SLC1A7: variants seen among roughly 807,000 people sequenced by gnomAD.
The protein encoded by SLC1A7 is excitatory amino acid transporter 5.
Under a neutral mutation model 47.7 loss-of-function variants are expected in SLC1A7, and 40 were observed. The ratio of observed to expected loss-of-function variants is 0.84; its 90% CI spans 0.65 to 1.09. The LOEUF (loss-of-function observed/expected upper bound fraction) is 1.09, where lower values mean the gene tolerates loss of function less well. SLC1A7 is among the 50% of genes least tolerant of loss of function. The pLI is 0.00. For synonymous variants in SLC1A7, 323 were observed against 325.6 expected, an observed-to-expected ratio of 0.99 and a Z score of 0.09; for missense variants, 746 against 769.5, an observed-to-expected ratio of 0.97 and a Z score of 0.36.
chr1:53,116,458 G>A (rs1644762403), intron 2 of SLC1A7, among the ~76,000 whole-genome samples: 1 of 152,226 alleles, frequency 6.6e-6, no homozygotes, highest in Non-Finnish European at 1.5e-5. Flanking sequence ...AGGAGTGAGT[G>A]AATGAATGAA....
chr1:53,088,236 GGGAAACA>G lies in SLC1A7; in HGVS notation c.1465-16_1465-10del, dbSNP rs1178870380. On this transcript the variant is annotated splice_polypyrimidine_tract_variant and intron_variant, in intron 10 of 10. Coordinates refer to ENST00000371494, the MANE Select transcript of SLC1A7 (RefSeq NM_006671.6). ...TCGCAGGGCAGCAGTTTCTGGTGAA[GGGAAACA>G]GGTCTTTGTAGCAGCAGGAGGGACC... The G allele has an allele frequency of 6.3e-7, 1 of 1,594,754 alleles. No individual in the cohort carries two copies. Among genetic ancestry groups the G allele is most frequent in the Admixed American group, 1.7e-5 (1 of 57,780 alleles).
At chr1:53,098,229 GC>G (rs1471874185) in intron 5 of SLC1A7, among the ~76,000 whole-genome samples, 2 of 136,404 alleles carry the variant, frequency 1.5e-5, no homozygotes, top group Admixed American at 7.2e-5. Flanking sequence ...ACACTCACAT[GC>G]CCCGCCTCAG....
At chr1:53,103,253 C>T (rs1644603308) in intron 5 of SLC1A7, 93 bp downstream of exon 5, 3 of 917,488 alleles carry the variant, frequency 3.3e-6, no homozygotes, top group South Asian at 1.7e-5. Context: ...CCAGCATTCT[C>T]CCCAGACCTC....
intron 3 of SLC1A7, among the ~76,000 whole-genome samples, chr1:53,110,300 A>G (rs1644688301): frequency 6.6e-6 from 1 of 152,174 alleles, no homozygotes; most frequent in South Asian, 2.1e-4. Context: ...ATGAGGCCAC[A>G]GGTCTCCTAG....
chr1:53,115,039 A>C (rs905862312), intron 2 of SLC1A7, 66 bp from the exon 3 acceptor site: 1 of 1,269,494 alleles, frequency 7.9e-7, no homozygotes, highest in Non-Finnish European at 1.1e-6. Context: ...CTCAGCGCTC[A>C]CTCAGCCCCT....
Position 53,134,355 on chromosome 1 carries a change from G to C in SLC1A7, c.210C>G (p.Val70=), listed in dbSNP as rs1644970271. The C allele has an allele frequency of 6.2e-7, 1 of 1,612,562 alleles. No individual in the cohort carries two copies. The highest frequency in any genetic ancestry group is 1.3e-5 in the African/African-American group (1 of 75,028). Residue 70 remains valine (V), a synonymous_variant, in exon 2 of 11, where the codon GTC becomes GTG. Coordinates refer to ENST00000371494, the MANE Select transcript of SLC1A7 (RefSeq NM_006671.6). ...MLKMMILPLV[V]SSLMSGLASL... ...GGTCAAACCCCCGCTCTCACCTGGA[G>C]ACCACCAGTGGCAGGATCATCATCT...
chr1:53,113,910 C>G (rs556492312), intron 3 of SLC1A7, among the ~76,000 whole-genome samples: 2 of 152,046 alleles, frequency 1.3e-5, no homozygotes, highest in South Asian at 4.1e-4. Flanking sequence ...GCACAGCTAT[C>G]GCCCCCAGGC....
chr1:53,097,931 ACCTCGGTACACTCACACACCATG>A (rs71044452), intron 5 of SLC1A7, among the ~76,000 whole-genome samples: 78,381 of 140,040 alleles, frequency 0.56, 24,799 homozygotes, highest in Non-Finnish European at 0.72. Flanking sequence ...TACTCACCCC[ACCTCGGTACACTCACACACCATG>A]CCTCGGTACA....
At chr1:53,136,341 G>A (rs895768512) in intron 1 of SLC1A7, among the ~76,000 whole-genome samples, 6 of 147,478 alleles carry the variant, frequency 4.1e-5, no homozygotes, top group Admixed American at 1.4e-4. Context: ...CTACAGGTGC[G>A]CGCCACTATG....
rs1301207462 is a variant in SLC1A7 at position 53,115,215 on chromosome 1, G to C, written c.216-242C>G. 17 of 574,676 alleles carry C rather than the reference G, an allele frequency of 3.0e-5. No individual in the cohort carries two copies. The East Asian group carries it at 4.9e-4, about 17-fold the overall frequency. The allele number at this position is 574,676 out of a possible 1,614,324, so 35.6% of individuals were successfully genotyped here. Reference sequence around the variant, plus strand: ...TGAGACCTCTGCACTGCTAGGCAGAGAGCCCAGGCCAGGGTGGCTGTGGGA... The same window carrying C: ...TGAGACCTCTGCACTGCTAGGCAGACAGCCCAGGCCAGGGTGGCTGTGGGA... On this transcript the variant is annotated intron_variant, in intron 2 of 10. Transcript: ENST00000371494.
chr1:53,121,792 G>A (rs957395151), intron 2 of SLC1A7, among the ~76,000 whole-genome samples: 1 of 152,230 alleles, frequency 6.6e-6, no homozygotes, highest in Non-Finnish European at 1.5e-5. Flanking sequence ...AGGGGACTTT[G>A]GGCTTTGTTT....
In SLC1A7 at chr1:53,101,257, ACACACCCCACCTCGGTACACTCG is replaced by A. The variant is rs1274916275; in HGVS notation, c.697+2066_697+2088del. On this transcript the variant is annotated intron_variant, in intron 5 of 10. Coordinates refer to ENST00000371494, the MANE Select transcript of SLC1A7 (RefSeq NM_006671.6). The stretch of plus-strand genomic sequence containing the variant: ...CCACACGCACTGCCTCGGTACACTC[ACACACCCCACCTCGGTACACTCG>A]CACACCCCACCTCGGTACACTCGCA... 7.7e-4 allele frequency among the ~76,000 whole-genome samples: 109 copies of A among 141,292 alleles called. 1 individual carries two copies. The highest frequency in any genetic ancestry group is 2.2e-3 in the African/African-American group (85 of 37,784). 92.7% of individuals were successfully genotyped at this position (141,292 alleles called of 152,430 possible).
chr1:53,133,983 C>T (rs562720825), intron 2 of SLC1A7, among the ~76,000 whole-genome samples: 1 of 152,174 alleles, frequency 6.6e-6, no homozygotes, highest in African/African-American at 2.4e-5. Flanking sequence ...AGGCTGTGAT[C>T]ACTGGAGTAT....
At position 53,105,603 on chromosome 1, in the gene SLC1A7, A is replaced by C. The variant is rs889349839; in HGVS notation, c.474+129T>G. 8 of 794,582 alleles carry C rather than the reference A, an allele frequency of 1.0e-5. No individual in the cohort carries two copies. The African/African-American group carries it at 1.4e-4, about 14-fold the overall frequency. 49.2% of individuals were successfully genotyped at this position (794,582 alleles called of 1,614,324 possible). ...TCCCCAGCGTACCCTCCCCTCTAGCATCCCACCTCCAGCAGACAGCGTGAC... is the reference window on the plus strand; with the variant it reads ...TCCCCAGCGTACCCTCCCCTCTAGCCTCCCACCTCCAGCAGACAGCGTGAC... On this transcript the variant is annotated intron_variant, in intron 4 of 10. Coordinates refer to ENST00000371494, the MANE Select transcript of SLC1A7 (RefSeq NM_006671.6).
At chr1:53,094,745 C>T (rs1314205930) in intron 5 of SLC1A7, among the ~76,000 whole-genome samples, 1 of 152,202 alleles carries the variant, frequency 6.6e-6, no homozygotes, top group Non-Finnish European at 1.5e-5. Context: ...CCCCGGGCTC[C>T]ACCACCACCA....
intron 2 of SLC1A7, among the ~76,000 whole-genome samples, chr1:53,121,811 C>T (rs1394966239): frequency 6.6e-6 from 1 of 152,208 alleles, no homozygotes; most frequent in East Asian, 1.9e-4. Flanking sequence ...TTGCTGCCAG[C>T]TGGTGAGTCA....
intron 2 of SLC1A7, among the ~76,000 whole-genome samples, chr1:53,129,671 C>T (rs574546955): frequency 1.4e-5 from 2 of 141,852 alleles, no homozygotes; most frequent in African/African-American, 5.2e-5. Flanking sequence ...CTCCTTTCTC[C>T]AGAGCAAGGT....
At chr1:53,113,410 A>T (rs1215523191) in intron 3 of SLC1A7, among the ~76,000 whole-genome samples, 2 of 151,926 alleles carry the variant, frequency 1.3e-5, no homozygotes, top group Non-Finnish European at 2.9e-5. Context: ...CCATCAGTTG[A>T]CACCTACCCC....
chr1:53,101,158 C>A (rs529096311), intron 5 of SLC1A7, among the ~76,000 whole-genome samples: 28 of 151,576 alleles, frequency 1.8e-4, no homozygotes, highest in African/African-American at 6.3e-4. Flanking sequence ...CCTCAGTACA[C>A]TTACACACCC....
Sources: allele counts gnomAD v4.1 joint callset (sites outside exome capture counted in the v4.1 genomes callset), GRCh38; gene constraint gnomAD v4.1.1; transcripts MANE v1.5; gene names NCBI Gene and HGNC (gene_info 2026-07-23, HGNC 2026-07-21).